GRIA4: variants seen among roughly 807,000 people sequenced by gnomAD.
GRIA4 encodes glutamate ionotropic receptor AMPA type subunit 4.
GRIA4 carries 34 observed loss-of-function variants against 104.0 expected under a neutral mutation model. The observed-to-expected ratio is 0.33, with a 90% CI of 0.25 to 0.44. The LOEUF (loss-of-function observed/expected upper bound fraction) is 0.44, where lower values mean the gene tolerates loss of function less well. Among genes scored for constraint, GRIA4 ranks in the 20% least tolerant of loss-of-function variants. The pLI, the probability that GRIA4 is intolerant of heterozygous loss-of-function variation, is 1.00. For missense variants in GRIA4, 750 were observed against 1,096.5 expected, an observed-to-expected ratio of 0.68 and a Z score of 4.46; for synonymous variants, 386 against 381.9, an observed-to-expected ratio of 1.01 and a Z score of -0.13.
At chr11:105,633,572 G>C (rs1951094131) in intron 3 of GRIA4, among the ~76,000 whole-genome samples, 1 of 152,140 alleles carries the variant, frequency 6.6e-6, no homozygotes, top group Non-Finnish European at 1.5e-5. Flanking sequence ...GGAGTTTAGA[G>C]ACTATTAAAG....
At chr11:105,880,445 TCAG>T (rs1242409557) in intron 5 of GRIA4, among the ~76,000 whole-genome samples, 4 of 152,196 alleles carry the variant, frequency 2.6e-5, no homozygotes, top group African/African-American at 9.7e-5. Flanking sequence ...CAGCTGAATT[TCAG>T]CACTTGCTTT....
Position 105,805,062 on chromosome 11 carries a change from A to G in GRIA4, c.487+51842A>G, listed in dbSNP as rs530328478. 2.6e-5 allele frequency among the ~76,000 whole-genome samples: 4 copies of G among 152,068 alleles called. No individual in the cohort carries two copies. In the South Asian group the frequency reaches 8.3e-4, roughly 32 times the overall value. Reference sequence around the variant, plus strand: ...ACACATAATTTTATAATTTGAAACAATTTTATAATGGACTGAGAATGTATG... The same window carrying G: ...ACACATAATTTTATAATTTGAAACAGTTTTATAATGGACTGAGAATGTATG... On this transcript the variant is annotated intron_variant, in intron 4 of 16. Transcript: ENST00000282499.
At chr11:105,861,607 G>A (rs1945227480) in intron 4 of GRIA4, among the ~76,000 whole-genome samples, 1 of 152,044 alleles carries the variant, frequency 6.6e-6, no homozygotes, top group African/African-American at 2.4e-5. Context: ...AACCAAAAAT[G>A]TTGTACTACC....
intron 14 of GRIA4, 30 bp from the exon 15 acceptor site, chr11:105,971,884 A>G (rs756234324): frequency 7.7e-7 from 1 of 1,297,566 alleles, no homozygotes; most frequent in Admixed American, 1.7e-5. Context: ...TAACATATAT[A>G]ATGTTATTTA....
At chr11:105,879,997 A>T (rs554327409) in intron 5 of GRIA4, among the ~76,000 whole-genome samples, 11 of 152,162 alleles carry the variant, frequency 7.2e-5, no homozygotes, top group Admixed American at 4.6e-4. Flanking sequence ...TATTTATTTA[A>T]TGTAATTGTT....
chr11:105,926,696 G>A, intron 12 of GRIA4, 45 bp from the exon 13 acceptor site: 1 of 1,154,148 alleles, frequency 8.7e-7, no homozygotes, highest in Non-Finnish European at 1.3e-6. Context: ...CTTTCTCTAT[G>A]TTGGTTAAAG....
intron 3 of GRIA4, among the ~76,000 whole-genome samples, chr11:105,662,831 T>C (rs1486314888): frequency 6.6e-6 from 1 of 151,882 alleles, no homozygotes; most frequent in African/African-American, 2.4e-5. Flanking sequence ...AGGCTGAGAC[T>C]GAGGTTTTCT....
At chr11:105,909,122 T>G (rs972549915) in intron 9 of GRIA4, among the ~76,000 whole-genome samples, 3 of 152,172 alleles carry the variant, frequency 2.0e-5, no homozygotes, top group Non-Finnish European at 2.9e-5. Flanking sequence ...CAAGCCGTAT[T>G]AATAAAAAGT....
chr11:105,840,348 T>TA (rs1242715622), intron 4 of GRIA4, among the ~76,000 whole-genome samples: 1 of 152,052 alleles, frequency 6.6e-6, no homozygotes, highest in Non-Finnish European at 1.5e-5. Flanking sequence ...CTACCCACAA[T>TA]AAAGCAGGTA....
At chr11:105,774,440 A>C (rs1241583464) in intron 4 of GRIA4, among the ~76,000 whole-genome samples, 1 of 152,062 alleles carries the variant, frequency 6.6e-6, no homozygotes, top group Non-Finnish European at 1.5e-5. Context: ...GAAATAATAA[A>C]AGTGGAAATT....
intron 4 of GRIA4, among the ~76,000 whole-genome samples, chr11:105,823,622 T>G (rs540663740): frequency 6.6e-6 from 1 of 152,070 alleles, no homozygotes; most frequent in Admixed American, 6.6e-5. Context: ...AATTAAATGT[T>G]TCTAAGTCTT....
chr11:105,694,791 T>C (rs1953211096), intron 3 of GRIA4, among the ~76,000 whole-genome samples: 1 of 152,222 alleles, frequency 6.6e-6, no homozygotes, highest in Non-Finnish European at 1.5e-5. Flanking sequence ...GGATTTTAAA[T>C]TTAACTAAAG....
chr11:105,916,041 G>T (rs967367338), intron 10 of GRIA4, among the ~76,000 whole-genome samples: 1 of 151,406 alleles, frequency 6.6e-6, no homozygotes, highest in African/African-American at 2.4e-5. Flanking sequence ...AGAATTAACC[G>T]GGAGTGGTGG....
At chr11:105,940,826 TA>T (rs3839941) in intron 14 of GRIA4, among the ~76,000 whole-genome samples, 2 of 151,040 alleles carry the variant, frequency 1.3e-5, no homozygotes, top group Admixed American at 6.6e-5. Flanking sequence ...ACATTTAATT[TA>T]AAAAAAAGAT....
chr11:105,725,709 G>A (rs1938156910), intron 3 of GRIA4, among the ~76,000 whole-genome samples: 1 of 152,066 alleles, frequency 6.6e-6, no homozygotes, highest in South Asian at 2.1e-4. Flanking sequence ...TCATCTCATT[G>A]GGACTAATTA....
At chr11:105,705,380 C>T (rs185151035) in intron 3 of GRIA4, among the ~76,000 whole-genome samples, 263 of 152,160 alleles carry the variant, frequency 1.7e-3, no homozygotes, top group African/African-American at 6.1e-3. Context: ...ATATTTTGTA[C>T]TTCTCAAAAT....
intron 5 of GRIA4, among the ~76,000 whole-genome samples, chr11:105,866,225 T>C (rs1945400040): frequency 6.6e-6 from 1 of 152,172 alleles, no homozygotes; most frequent in Non-Finnish European, 1.5e-5. Flanking sequence ...TGAGATGATC[T>C]TGAAAATCCT....
intron 5 of GRIA4, among the ~76,000 whole-genome samples, chr11:105,869,404 T>A (rs187120883): frequency 6.4e-4 from 97 of 152,200 alleles, no homozygotes; most frequent in Non-Finnish European, 1.2e-3. Context: ...CTTGATAATT[T>A]TAGAGGTATA....
At chr11:105,759,557 G>A (rs141583421) in intron 4 of GRIA4, among the ~76,000 whole-genome samples, 1 of 151,898 alleles carries the variant, frequency 6.6e-6, no homozygotes, top group Non-Finnish European at 1.5e-5. Flanking sequence ...TTTAAAAGAT[G>A]CTCCACAATC....
Sources: gnomAD v4.1 joint callset for allele counts (sites outside exome capture counted in the v4.1 genomes callset) on GRCh38, gnomAD v4.1.1 for gene constraint, MANE v1.5 for transcripts, NCBI Gene and HGNC (gene_info 2026-07-23, HGNC 2026-07-21) for gene names.